ASXL1: variants seen among roughly 807,000 people sequenced by gnomAD.
ASXL1 encodes the protein polycomb group protein ASXL1.
In ASXL1, 65 loss-of-function variants were observed where a neutral mutation model predicts 89.1. The ratio of observed to expected loss-of-function variants is 0.73; its 90% CI spans 0.60 to 0.90. The LOEUF (loss-of-function observed/expected upper bound fraction) is 0.90. Ranked by LOEUF, ASXL1 falls within the 40% of genes least tolerant of loss-of-function variation. The pLI, the probability that ASXL1 is intolerant of heterozygous loss-of-function variation, is 0.00. For synonymous variants in ASXL1, 739 were observed against 746.9 expected (o/e 0.99, Z 0.17); for missense variants, 1,786 against 1,942.9 (o/e 0.92, Z 1.52).
At chr20:32,428,516 C>G (rs988020747) in intron 6 of ASXL1, 94 bp downstream of exon 6, 1 of 1,206,786 alleles carries the variant, frequency 8.3e-7, no homozygotes, top group Non-Finnish European at 1.2e-6. Context: ...TGAACATGTT[C>G]AGAGAGTGAA....
chr20:32,433,578 G>A lies in ASXL1; in HGVS notation c.1380G>A (p.Gly460=), dbSNP rs2123260953. Residue 460 remains glycine (G), a synonymous_variant, in exon 12 of 13, where the codon GGG becomes GGA. Coordinates refer to ENST00000375687, the MANE Select transcript of ASXL1 (RefSeq NM_015338.6). ...KDGEAKTDPA[G]LSSPHLPGTS... is the part of the protein sequence containing the mutation. ...GGGAGGCTAAGACTGACCCAGCAGGGCTGAGCAGTCCCCATCTGCCAGGCA... is the reference window on the plus strand; with the variant it reads ...GGGAGGCTAAGACTGACCCAGCAGGACTGAGCAGTCCCCATCTGCCAGGCA... 6.2e-7 allele frequency: 1 copy of A among 1,614,172 alleles called. No individual in the cohort carries two copies. Among genetic ancestry groups the A allele is most frequent in the African/African-American group, 1.3e-5 (1 of 75,040 alleles).
chr20:32,373,242 T>A (rs4911221), intron 4 of ASXL1, among the ~76,000 whole-genome samples: 1 of 151,436 alleles, frequency 6.6e-6, no homozygotes, highest in African/African-American at 2.4e-5. Flanking sequence ...CCGGGCGTGG[T>A]TGTGCACGCC....
chr20:32,369,116 C>T lies in ASXL1; in HGVS notation c.245C>T (p.Thr82Met), dbSNP rs769697612. The change falls in exon 4 of 13, where the codon ACG becomes ATG. Residue 82 changes from threonine to methionine, a missense_variant. By Grantham distance (81) the Thr-to-Met change is moderately conservative. Transcript: ENST00000375687. ...CTGCCTGGCCGAATCAGCCTTTTCACGCTCAAGGTAAGTGATATGAACTCT... is the reference window on the plus strand; with the variant it reads ...CTGCCTGGCCGAATCAGCCTTTTCATGCTCAAGGTAAGTGATATGAACTCT... The part of the protein sequence containing the change: ...YKLPGRISLF[T>M]LKKDALQWSR... The T allele has an allele frequency of 2.4e-5, 38 of 1,606,650 alleles. No individual in the cohort carries two copies. Among genetic ancestry groups the T allele is most frequent in the Non-Finnish European group, 3.0e-5 (35 of 1,173,300 alleles).
chr20:32,419,683 C>CTTT (rs1284686802), intron 4 of ASXL1, among the ~76,000 whole-genome samples: 2 of 135,566 alleles, frequency 1.5e-5, no homozygotes, highest in African/African-American at 2.7e-5. Context: ...GATATATTTT[C>CTTT]TTTTTTTTTT....
chr20:32,429,177 C>T lies in ASXL1; in HGVS notation c.472-161C>T, dbSNP rs937854586. On this transcript the variant is annotated intron_variant, in intron 6 of 12. Coordinates refer to ENST00000375687, the MANE Select transcript of ASXL1 (RefSeq NM_015338.6). This position sits in a 1 kb window ranked among gnomAD's most constrained non-coding sequence, Gnocchi z 4.9. ...GCTTGGCACAGTGACCAGCACGTAG[C>T]TCAGTAACATTAACCAGTGCTCTTG... 1.4e-6 allele frequency: 1 copy of T among 725,462 alleles called. No homozygotes were observed. Among genetic ancestry groups the T allele is most frequent in the Non-Finnish European group, 2.4e-6 (1 of 409,018 alleles). The allele number at this position is 725,462 out of a possible 1,614,324, so 44.9% of individuals were successfully genotyped here. A position where few individuals can be genotyped will look rare whatever the true frequency, so the allele number is the denominator to read the frequency against.
At chr20:32,370,208 G>A (rs532681497) in intron 4 of ASXL1, among the ~76,000 whole-genome samples, 1 of 152,254 alleles carries the variant, frequency 6.6e-6, no homozygotes, top group African/African-American at 2.4e-5. Context: ...AAATAGGGCC[G>A]AAATGAACAG....
intron 4 of ASXL1, among the ~76,000 whole-genome samples, chr20:32,420,744 TA>T (rs1328148648): frequency 6.6e-6 from 1 of 151,906 alleles, no homozygotes; most frequent in Non-Finnish European, 1.5e-5. Context: ...TCATCAGTAT[TA>T]AAAAGGTTCA....
At chr20:32,391,833 C>CT (rs1277766772) in intron 4 of ASXL1, among the ~76,000 whole-genome samples, 1 of 152,128 alleles carries the variant, frequency 6.6e-6, no homozygotes, top group Non-Finnish European at 1.5e-5. Flanking sequence ...CCTGGCAATA[C>CT]TTTTTTCTGA....
intron 4 of ASXL1, among the ~76,000 whole-genome samples, chr20:32,415,389 G>A (rs2049121047): frequency 6.6e-6 from 1 of 152,160 alleles, no homozygotes; most frequent in Non-Finnish European, 1.5e-5. Flanking sequence ...TGTGCCTCTA[G>A]TCTTCTGTTC....
chr20:32,404,958 T>C (rs554506325), intron 4 of ASXL1, among the ~76,000 whole-genome samples: 65 of 152,368 alleles, frequency 4.3e-4, no homozygotes, highest in African/African-American at 1.5e-3. Context: ...CCTTTTCATA[T>C]GCTTACTGAC....
intron 1 of ASXL1, among the ~76,000 whole-genome samples, chr20:32,363,519 T>A (rs575951299): frequency 6.6e-6 from 1 of 152,262 alleles, no homozygotes; most frequent in Non-Finnish European, 1.5e-5. Flanking sequence ...ATGATACGTG[T>A]TATCATAGTT....
rs547136241 is a variant in ASXL1 at position 32,430,834 on chromosome 20, G to A, written c.719-487G>A. Reference sequence around the variant, plus strand: ...GTAACATTTGCTGAGGCTTCTGTGAGAGGTATTAGCATCTCAGTTGGCTTT... The same window carrying A: ...GTAACATTTGCTGAGGCTTCTGTGAAAGGTATTAGCATCTCAGTTGGCTTT... On this transcript the variant is annotated intron_variant, in intron 8 of 12. Coordinates refer to ENST00000375687, the MANE Select transcript of ASXL1 (RefSeq NM_015338.6). 2.2e-4 allele frequency: 76 copies of A among 346,576 alleles called. 1 individual carries two copies. The South Asian group carries it at 2.9e-3, about 13-fold the overall frequency. The allele number at this position is 346,576 out of a possible 1,614,324, so 21.5% of individuals were successfully genotyped here. A position where few individuals can be genotyped will look rare whatever the true frequency, so the allele number is the denominator to read the frequency against.
chr20:32,366,671 G>A, intron 2 of ASXL1: 1 of 704,918 alleles, frequency 1.4e-6, no homozygotes, highest in Non-Finnish European at 1.7e-6. Context: ...ATTTAGAGGT[G>A]CAGTGGCTTT....
chr20:32,397,032 T>A (rs1367479136), intron 4 of ASXL1, among the ~76,000 whole-genome samples: 2 of 149,668 alleles, frequency 1.3e-5, no homozygotes, highest in Admixed American at 1.3e-4. Flanking sequence ...CTGTGGCTTT[T>A]TTTTTTTTTC....
At position 32,430,070 on chromosome 20, in the gene ASXL1, T is replaced by C. The variant is rs2123226289; in HGVS notation, c.718+17T>C. 6.2e-7 allele frequency: 1 copy of C among 1,600,758 alleles called. No individual in the cohort carries two copies. The highest frequency in any genetic ancestry group is 1.1e-5 in the South Asian group (1 of 90,936). ...CAGCCACAGGTGAGTGGCGTGGCAC[T>C]TATTTCTCTGCCTGTAAAGGGGGCC... On this transcript the variant is annotated intron_variant, in intron 8 of 12. Transcript: ENST00000375687.
At position 32,434,880 on chromosome 20, in the gene ASXL1, C is replaced by T; in HGVS notation, c.2168C>T (p.Ser723Phe). 6.2e-7 allele frequency: 1 copy of T among 1,614,200 alleles called. No individual in the cohort carries two copies. The highest frequency in any genetic ancestry group is 8.5e-7 in the Non-Finnish European group (1 of 1,180,020). The change falls in exon 13 of 13, where the codon TCT (serine) becomes TTT (phenylalanine). Residue 723 changes from serine to phenylalanine, a missense_variant. By Grantham distance (155) the Ser-to-Phe change is radical. Coordinates refer to ENST00000375687, the MANE Select transcript of ASXL1 (RefSeq NM_015338.6). ...MSRARREDLPSLRKEESCLLQ... is the reference protein window; with the variant it reads ...MSRARREDLPFLRKEESCLLQ... ...AGAGCTAGGAGAGAGGACCTGCCTT[C>T]TCTGAGAAAGGAGGAAAGCTGCCTA...
intron 4 of ASXL1, 30 bp from the exon 5 acceptor site, chr20:32,428,098 G>A (rs768414747): frequency 6.2e-7 from 1 of 1,612,370 alleles, no homozygotes; most frequent in South Asian, 1.1e-5. Flanking sequence ...GTAGGGTTTT[G>A]TTCACCTGAG....
chr20:32,433,316 A>C lies in ASXL1; in HGVS notation c.1118A>C (p.Gln373Pro). The change falls in exon 12 of 13, where the codon CAG (glutamine) becomes CCG (proline). Residue 373 changes from glutamine (Q) to proline (P), a missense_variant. Around this residue, in one of 3 missense-constraint regions of ASXL1, gnomAD observed 1,418 missense variants for 1,427.8 expected, o/e 0.99. Transcript: ENST00000375687. Reference sequence around the variant, plus strand: ...TTGACCAAAGAAGAGTCATTGCAGCAGAACGTGGGCCAGGAGGAGGCTGAA... The same window carrying C: ...TTGACCAAAGAAGAGTCATTGCAGCCGAACGTGGGCCAGGAGGAGGCTGAA... ...LGLTKEESLQ[Q>P]NVGQEEAEIK... 1 of 1,614,212 alleles carries C rather than the reference A, an allele frequency of 6.2e-7. No homozygotes were observed. Among genetic ancestry groups the C allele is most frequent in the East Asian group, 2.2e-5 (1 of 44,886 alleles).
chr20:32,358,827 C>T lies in ASXL1; in HGVS notation c.52C>T (p.Arg18Cys). The T allele has an allele frequency of 6.6e-7, 1 of 1,507,520 alleles. No individual in the cohort carries two copies. Among genetic ancestry groups the T allele is most frequent in the Non-Finnish European group, 8.9e-7 (1 of 1,127,428 alleles). The allele number at this position is 1,507,520 out of a possible 1,614,324, so 93.4% of individuals were successfully genotyped here. A position where few individuals can be genotyped will look rare whatever the true frequency, so the allele number is the denominator to read the frequency against. The change falls in exon 1 of 13, where the codon CGC (arginine) becomes TGC (cysteine). Residue 18 changes from arginine (R) to cysteine (C), a missense_variant. Physicochemically the swap from Arg to Cys is radical, Grantham distance 180. Around this residue, in one of 3 missense-constraint regions of ASXL1, gnomAD observed 332 missense variants for 449.7 expected, o/e 0.74. Coordinates refer to ENST00000375687, the MANE Select transcript of ASXL1 (RefSeq NM_015338.6). ...GGAGCGCACGTGGGCCGAGGCCGCGCGCCTGGTGAGGCGGACAGCCGAGGG... is the reference window on the plus strand; with the variant it reads ...GGAGCGCACGTGGGCCGAGGCCGCGTGCCTGGTGAGGCGGACAGCCGAGGG... ...KKERTWAEAA[R>C]LVLENYSDAP...
Sources: allele counts gnomAD v4.1 joint callset (sites outside exome capture counted in the v4.1 genomes callset), GRCh38; gene constraint gnomAD v4.1.1; regional missense constraint gnomAD v4.1.1; non-coding constraint Gnocchi (gnomAD v3.1); transcripts MANE v1.5; gene names NCBI Gene and HGNC (gene_info 2026-07-23, HGNC 2026-07-21).